The following CABCOCO1 variants were observed in gnomAD, a reference collection of about 807,000 sequenced individuals.
CABCOCO1 encodes ciliary associated calcium binding coiled-coil 1.
A neutral mutation model predicts 35.7 loss-of-function variants in CABCOCO1; 28 were observed. The observed-to-expected ratio is 0.78, with a 90% CI of 0.58 to 1.07. CABCOCO1 has a LOEUF of 1.07. CABCOCO1 is among the 50% of genes least tolerant of loss of function. The pLI is 0.00. For synonymous variants in CABCOCO1, 95 were observed against 100.1 expected (o/e 0.95, Z 0.30); for missense variants, 326 against 309.2 (o/e 1.05, Z -0.41).
At chr10:61,759,847 A>T (rs1841969558) in intron 5 of CABCOCO1, among the ~76,000 whole-genome samples, 1 of 152,052 alleles carries the variant, frequency 6.6e-6, no homozygotes, top group African/African-American at 2.4e-5. Flanking sequence ...ATCGAAAGGA[A>T]ATGAGACAGT....
At chr10:61,687,678 T>A (rs1336720113) in intron 4 of CABCOCO1, among the ~76,000 whole-genome samples, 1 of 152,126 alleles carries the variant, frequency 6.6e-6, no homozygotes, top group African/African-American at 2.4e-5. Flanking sequence ...AACAATTAAG[T>A]TAAGAGGGGC....
intron 1 of CABCOCO1, among the ~76,000 whole-genome samples, chr10:61,670,845 C>T (rs1839334426): frequency 6.6e-6 from 1 of 152,192 alleles, no homozygotes; most frequent in African/African-American, 2.4e-5. Context: ...CACCCATTGT[C>T]ACAGTTGCAG....
intron 5 of CABCOCO1, among the ~76,000 whole-genome samples, chr10:61,707,951 C>T (rs756602294): frequency 4.6e-5 from 7 of 151,852 alleles, no homozygotes; most frequent in Non-Finnish European, 7.4e-5. Flanking sequence ...CTATGAAGTT[C>T]GATTCTTCAT....
chr10:61,680,814 A>G (rs963414025), intron 2 of CABCOCO1, among the ~76,000 whole-genome samples: 2 of 148,044 alleles, frequency 1.4e-5, no homozygotes, highest in African/African-American at 4.9e-5. Flanking sequence ...TTATAAATGA[A>G]AAAAGACGTT....
chr10:61,730,970 C>A (rs2132053961), intron 5 of CABCOCO1, among the ~76,000 whole-genome samples: 1 of 151,380 alleles, frequency 6.6e-6, no homozygotes. Flanking sequence ...TCGAAAGAGA[C>A]TAAAGGAATA....
intron 5 of CABCOCO1, among the ~76,000 whole-genome samples, chr10:61,693,580 A>G (rs1262976690): frequency 6.6e-6 from 1 of 152,140 alleles, no homozygotes; most frequent in East Asian, 1.9e-4. Context: ...AACCTTTAAT[A>G]AAATAATAGA....
intron 5 of CABCOCO1, among the ~76,000 whole-genome samples, chr10:61,705,655 A>C (rs1467568887): frequency 1.3e-5 from 2 of 152,208 alleles, no homozygotes; most frequent in Non-Finnish European, 2.9e-5. Context: ...TAATCAGTGG[A>C]TCAAGGAAGG....
chr10:61,683,927 A>G (rs1839876499), intron 3 of CABCOCO1, among the ~76,000 whole-genome samples: 1 of 152,180 alleles, frequency 6.6e-6, no homozygotes, highest in Non-Finnish European at 1.5e-5. Context: ...TTTTTGTTTG[A>G]TAAGTATAAT....
At position 61,690,623 on chromosome 10, in the gene CABCOCO1, T is replaced by C; in HGVS notation, c.552+2T>C. ...GAAGAAATTGTGATAGGAACTGAGG[T>C]AAGTAATTTATCTAGATGGAACAAG... On this transcript the variant is annotated splice_donor_variant, in intron 5 of 7. Transcript: ENST00000648843. LOFTEE classifies it high-confidence loss of function. 6.4e-7 allele frequency: 1 copy of C among 1,574,236 alleles called. No homozygotes were observed. The highest frequency in any genetic ancestry group is 2.3e-5 in the East Asian group (1 of 44,280).
chr10:61,766,240 T>C lies in CABCOCO1; in HGVS notation c.*227T>C, dbSNP rs1003768760. 1 of 349,392 alleles carries C rather than the reference T, an allele frequency of 2.9e-6. No individual in the cohort carries two copies. Among genetic ancestry groups the C allele is most frequent in the Admixed American group, 4.3e-5 (1 of 23,240 alleles). 21.6% of individuals were successfully genotyped at this position (349,392 alleles called of 1,614,324 possible). On this transcript the variant is annotated 3_prime_UTR_variant, in exon 8 of 8. Coordinates refer to ENST00000648843, the MANE Select transcript of CABCOCO1 (RefSeq NM_001366906.2). ...TGCACCAAGTGTAATGAGAACATTT[T>C]GTATACAAGAGTTTGAAAAATTATA... is the stretch of plus-strand genomic sequence containing the variant.
chr10:61,712,274 T>C (rs1355315856), intron 5 of CABCOCO1, among the ~76,000 whole-genome samples: 1 of 152,238 alleles, frequency 6.6e-6, no homozygotes, highest in Non-Finnish European at 1.5e-5. Flanking sequence ...ATGAGCATTT[T>C]TTCACGTGTC....
At chr10:61,680,642 A>ATG (rs1839725683) in intron 2 of CABCOCO1, among the ~76,000 whole-genome samples, 1 of 79,474 alleles carries the variant, frequency 1.3e-5, no homozygotes, top group African/African-American at 4.4e-5. Context: ...TTATACATAT[A>ATG]TAATATATAT....
intron 2 of CABCOCO1, among the ~76,000 whole-genome samples, chr10:61,677,068 A>AAATAAT (rs60978110): frequency 1.3e-3 from 191 of 144,336 alleles, no homozygotes; most frequent in South Asian, 5.6e-3. Flanking sequence ...CTGTCTCAAA[A>AAATAAT]AATAATAATA....
intron 5 of CABCOCO1, among the ~76,000 whole-genome samples, chr10:61,741,383 C>T (rs1466393060): frequency 2.0e-5 from 3 of 151,998 alleles, no homozygotes; most frequent in African/African-American, 7.2e-5. Flanking sequence ...GTATAATATG[C>T]CTTTCCAAGG....
At chr10:61,738,065 AAAAC>A (rs545153906) in intron 5 of CABCOCO1, among the ~76,000 whole-genome samples, 258 of 151,670 alleles carry the variant, frequency 1.7e-3, no homozygotes, top group African/African-American at 5.9e-3. Flanking sequence ...AAAAAAAAAA[AAAAC>A]AAAGACACCT....
At chr10:61,690,171 C>G (rs754993167) in intron 4 of CABCOCO1, among the ~76,000 whole-genome samples, 1 of 151,972 alleles carries the variant, frequency 6.6e-6, no homozygotes, top group Non-Finnish European at 1.5e-5. Context: ...GAAATTGACT[C>G]CTGTTTGCAG....
chr10:61,688,068 C>T (rs190403476), intron 4 of CABCOCO1, among the ~76,000 whole-genome samples: 1 of 152,168 alleles, frequency 6.6e-6, no homozygotes, highest in East Asian at 1.9e-4. Context: ...GGCTAAATAC[C>T]TAAATGATAG....
chr10:61,744,802 A>G (rs1308796028), intron 5 of CABCOCO1, among the ~76,000 whole-genome samples: 1 of 152,200 alleles, frequency 6.6e-6, no homozygotes, highest in Non-Finnish European at 1.5e-5. Flanking sequence ...CAAACACCAT[A>G]GAGGTCTAAG....
intron 7 of CABCOCO1, among the ~76,000 whole-genome samples, chr10:61,762,056 G>A (rs974599470): frequency 6.6e-6 from 1 of 152,006 alleles, no homozygotes; most frequent in Admixed American, 6.6e-5. Context: ...GTGTAGAAGG[G>A]CAGAGAGCAG....
Sources: gnomAD v4.1 joint callset for allele counts (sites outside exome capture counted in the v4.1 genomes callset) on GRCh38, gnomAD v4.1.1 for gene constraint, MANE v1.5 for transcripts, NCBI Gene and HGNC (gene_info 2026-07-23, HGNC 2026-07-21) for gene names.